Variants in MACROD2 observed in about 807,000 individuals in gnomAD.
MACROD2 encodes the protein ADP-ribose glycohydrolase MACROD2.
In MACROD2, 36 loss-of-function variants were observed where a neutral mutation model predicts 70.4. The ratio of observed to expected loss-of-function variants is 0.51; its 90% CI spans 0.39 to 0.68. The LOEUF (loss-of-function observed/expected upper bound fraction) is 0.68. MACROD2 is among the 30% of genes least tolerant of loss of function. The probability of loss-of-function intolerance (pLI) is 0.00; values close to 1 mark genes in which losing one functional copy is unlikely to be tolerated. For synonymous variants in MACROD2, 172 were observed against 178.8 expected (o/e 0.96, Z 0.30); for missense variants, 496 against 538.4 (o/e 0.92, Z 0.78).
At chr20:15,929,876 G>T (rs1045016718) in intron 10 of MACROD2, among the ~76,000 whole-genome samples, 1 of 152,096 alleles carries the variant, frequency 6.6e-6, no homozygotes, top group African/African-American at 2.4e-5. Flanking sequence ...GATAAATATT[G>T]GTTGAAAGAG....
chr20:15,543,705 GC>G (rs1393429820), intron 8 of MACROD2, among the ~76,000 whole-genome samples: 1 of 152,144 alleles, frequency 6.6e-6, no homozygotes, highest in Non-Finnish European at 1.5e-5. Context: ...GCACTTTTTG[GC>G]ATGTGAATCT....
At chr20:15,977,281 C>A (rs1601253673) in intron 13 of MACROD2, among the ~76,000 whole-genome samples, 1 of 152,170 alleles carries the variant, frequency 6.6e-6, no homozygotes, top group East Asian at 1.9e-4. Flanking sequence ...TCAGTATCAT[C>A]CACCCAATAA....
intron 6 of MACROD2, among the ~76,000 whole-genome samples, chr20:15,346,043 G>A (rs1000572550): frequency 6.6e-5 from 10 of 152,092 alleles, no homozygotes; most frequent in African/African-American, 2.4e-4. Context: ...GATTTCAGCT[G>A]TTTGGGAGGT....
intron 1 of MACROD2, among the ~76,000 whole-genome samples, chr20:13,999,454 G>A (rs1439831229): frequency 6.6e-6 from 1 of 152,126 alleles, no homozygotes; most frequent in African/African-American, 2.4e-5. Context: ...TGTATGCTCA[G>A]TACTATTCTT....
chr20:15,836,200 G>A (rs974846385), intron 8 of MACROD2, among the ~76,000 whole-genome samples: 1 of 152,172 alleles, frequency 6.6e-6, no homozygotes, highest in East Asian at 1.9e-4. Context: ...TAGTACTCTG[G>A]AGATTACAGA....
chr20:15,750,426 G>C (rs531931443), intron 8 of MACROD2, among the ~76,000 whole-genome samples: 104 of 152,032 alleles, frequency 6.8e-4, no homozygotes, highest in Non-Finnish European at 1.2e-3. Flanking sequence ...AGAAAACGTA[G>C]TTTTCATAAT....
At chr20:15,523,638 A>T (rs914616249) in intron 8 of MACROD2, among the ~76,000 whole-genome samples, 1 of 152,214 alleles carries the variant, frequency 6.6e-6, no homozygotes, top group African/African-American at 2.4e-5. Context: ...TGAGTCACCA[A>T]TAACTGGTTT....
In MACROD2 at chr20:14,080,342, C is replaced by T. The variant is rs1402019763; in HGVS notation, c.164-5279C>T. ...CCTGTAGTCCCAGCTACTCAGGAGG[C>T]TGAAGGAGGAGAATGGCATGAACCT... On this transcript the variant is annotated intron_variant, in intron 2 of 17. Transcript: ENST00000684519. Among the ~76,000 whole-genome samples, 4 of 143,530 alleles carry T rather than the reference C, an allele frequency of 2.8e-5. No homozygotes were observed. In the East Asian group the frequency reaches 8.4e-4, roughly 30 times the overall value. The allele number at this position is 143,530 out of a possible 152,430, so 94.2% of individuals were successfully genotyped here. A position where few individuals can be genotyped will look rare whatever the true frequency, so the allele number is the denominator to read the frequency against.
At chr20:14,883,527 A>T (rs1202965006) in intron 5 of MACROD2, among the ~76,000 whole-genome samples, 1 of 152,032 alleles carries the variant, frequency 6.6e-6, no homozygotes, top group Admixed American at 6.6e-5. Flanking sequence ...TAATAAAACT[A>T]CTTTAATCCC....
intron 3 of MACROD2, chr20:14,086,349 T>G (rs1169530021): frequency 2.3e-5 from 5 of 220,864 alleles, no homozygotes; most frequent in Non-Finnish European, 3.8e-5. Context: ...AAAAAAGATA[T>G]AACAGCCGTG....
intron 4 of MACROD2, among the ~76,000 whole-genome samples, chr20:14,525,760 T>A (rs1256680814): frequency 6.6e-6 from 1 of 152,220 alleles, no homozygotes; most frequent in East Asian, 1.9e-4. Flanking sequence ...CTAAAGCACT[T>A]AAAGTAACTT....
At position 14,127,885 on chromosome 20, in the gene MACROD2, TTTGAATTGG is replaced by T. The variant is rs2054672445; in HGVS notation, c.271+42161_271+42169del. ...CCAATAAATGTTTCCCAACTAGATC[TTTGAATTGG>T]TTGCATCATAAATGTCAGAAAACAC... is the stretch of plus-strand genomic sequence containing the variant. On this transcript the variant is annotated intron_variant, in intron 3 of 17. Transcript: ENST00000684519. 8.1e-6 allele frequency: 4 copies of T among 495,218 alleles called. No individual in the cohort carries two copies. The Admixed American group carries it at 8.6e-5, about 11-fold the overall frequency. The allele number at this position is 495,218 out of a possible 1,614,324, so 30.7% of individuals were successfully genotyped here.
At chr20:15,053,417 A>G (rs2075458471) in intron 5 of MACROD2, among the ~76,000 whole-genome samples, 1 of 152,160 alleles carries the variant, frequency 6.6e-6, no homozygotes, top group African/African-American at 2.4e-5. Context: ...CTCATTGGCC[A>G]TTTTGGAATT....
In MACROD2 at chr20:14,208,247, A is replaced by G. The variant is rs555553669; in HGVS notation, c.271+122519A>G. On this transcript the variant is annotated intron_variant, in intron 3 of 17. Coordinates refer to ENST00000684519, the MANE Select transcript of MACROD2 (RefSeq NM_001351661.2). The stretch of plus-strand genomic sequence containing the variant: ...TACAGGGTCTTGGGTATATTGAATC[A>G]TCTCCCTTTGTGGGGAGTGATTATA... Among the ~76,000 whole-genome samples the G allele has an allele frequency of 1.1e-3, 166 of 152,286 alleles. 1 individual carries two copies. The highest frequency in any genetic ancestry group is 3.9e-3 in the African/African-American group (163 of 41,564).
chr20:14,537,265 G>A (rs2085377833), intron 4 of MACROD2, among the ~76,000 whole-genome samples: 1 of 152,142 alleles, frequency 6.6e-6, no homozygotes. Flanking sequence ...TTATTTGATA[G>A]GTAGTTCCAG....
At chr20:15,537,029 C>T (rs1443761550) in intron 8 of MACROD2, among the ~76,000 whole-genome samples, 1 of 152,094 alleles carries the variant, frequency 6.6e-6, no homozygotes, top group Admixed American at 6.6e-5. Context: ...TATGGTTTGG[C>T]CATGTCCCCA....
chr20:15,326,545 C>A (rs965226907), intron 6 of MACROD2, among the ~76,000 whole-genome samples: 3 of 152,028 alleles, frequency 2.0e-5, no homozygotes, highest in Admixed American at 6.6e-5. Context: ...AGATAAATTC[C>A]CTATAACCAT....
chr20:15,916,329 G>A (rs894500806), intron 10 of MACROD2, among the ~76,000 whole-genome samples: 3 of 152,152 alleles, frequency 2.0e-5, no homozygotes, highest in Non-Finnish European at 4.4e-5. Context: ...AGCAAGGCAC[G>A]GGGGAGAGGG....
chr20:14,607,431 G>A (rs748106820), intron 4 of MACROD2, among the ~76,000 whole-genome samples: 3 of 152,162 alleles, frequency 2.0e-5, no homozygotes, highest in African/African-American at 2.4e-5. Flanking sequence ...AAGGAACAGT[G>A]TTATAAGGAG....
Sources: allele counts gnomAD v4.1 joint callset (sites outside exome capture counted in the v4.1 genomes callset), GRCh38; gene constraint gnomAD v4.1.1; transcripts MANE v1.5; gene names NCBI Gene and HGNC (gene_info 2026-07-23, HGNC 2026-07-21).